CUBN: variants seen among roughly 807,000 people sequenced by gnomAD.
The protein encoded by CUBN is 460 kDa receptor.
Under a neutral mutation model 405.3 loss-of-function variants are expected in CUBN, and 282 were observed. The ratio of observed to expected loss-of-function variants is 0.70; its 90% confidence interval spans 0.63 to 0.77. The LOEUF (loss-of-function observed/expected upper bound fraction) is 0.77. Ranked by LOEUF, CUBN falls within the 30% of genes least tolerant of loss-of-function variation. The pLI is 0.00. For synonymous variants in CUBN, 1,684 were observed against 1,617.0 expected, an observed-to-expected ratio of 1.04 and a Z score of -0.99; for missense variants, 4,514 against 4,475.2, an observed-to-expected ratio of 1.01 and a Z score of -0.25.
At chr10:17,010,461 CA>C (rs943175343) in intron 28 of CUBN, among the ~76,000 whole-genome samples, 4 of 151,042 alleles carry the variant, frequency 2.6e-5, no homozygotes, top group Admixed American at 6.6e-5. Flanking sequence ...GGCAACATAG[CA>C]AGACCTCAAC....
In CUBN at chr10:16,851,340, TAC is replaced by T. The variant is rs1213112664; in HGVS notation, c.9556_9557del (p.Val3186MetfsTer26). The T allele has an allele frequency of 5.6e-6, 9 of 1,614,028 alleles. No homozygotes were observed. The African/African-American group carries it at 1.1e-4, about 19-fold the overall frequency. On this transcript the variant is annotated frameshift_variant, in exon 60 of 67. Coordinates refer to ENST00000377833, the MANE Select transcript of CUBN (RefSeq NM_001081.4). LOFTEE classifies it high-confidence loss of function. ...TGTTTACAGGTGCAATTATGATCCA[TAC>T]ACAGTTTAAATTCTTGTCATACATT... The part of the protein sequence containing the change: ...NGMYDKNLNC[V>X]WIIIAPVNKV...
intron 54 of CUBN, among the ~76,000 whole-genome samples, chr10:16,891,206 G>A (rs1463516084): frequency 1.3e-5 from 2 of 152,108 alleles, no homozygotes; most frequent in Non-Finnish European, 2.9e-5. Flanking sequence ...CAGTTGCTAG[G>A]AAATAAACGG....
rs377156071 is a variant in CUBN at position 16,825,628 on chromosome 10, AGTGTGTGTGTGTGTGT to A, written c.10765-562_10765-547del. The stretch of plus-strand genomic sequence containing the variant: ...TTATTTTCATATACTTCTGTGGAAC[AGTGTGTGTGTGTGTGT>A]GTGTGTGTGTGTGTGTGTGTGTGTG... On this transcript the variant is annotated intron_variant, in intron 66 of 66. Coordinates refer to ENST00000377833, the MANE Select transcript of CUBN (RefSeq NM_001081.4). 3.7e-4 allele frequency among the ~76,000 whole-genome samples: 51 copies of A among 136,008 alleles called. No individual in the cohort carries two copies. The East Asian group carries it at 4.8e-3, about 13-fold the overall frequency. The allele number at this position is 136,008 out of a possible 152,430, so 89.2% of individuals were successfully genotyped here.
intron 31 of CUBN, among the ~76,000 whole-genome samples, chr10:16,971,702 G>A (rs1317493068): frequency 1.3e-5 from 2 of 151,938 alleles, no homozygotes; most frequent in Admixed American, 6.6e-5. Flanking sequence ...GGCGCTTCTT[G>A]GTGTCTCTGT....
chr10:16,867,699 G>A (rs980174579), intron 59 of CUBN, among the ~76,000 whole-genome samples: 2 of 152,192 alleles, frequency 1.3e-5, no homozygotes, highest in Non-Finnish European at 1.5e-5. Flanking sequence ...CCTAACTGTG[G>A]CCAGAGGAAA....
intron 29 of CUBN, among the ~76,000 whole-genome samples, chr10:16,988,833 T>C (rs1167122986): frequency 1.3e-5 from 2 of 152,178 alleles, no homozygotes; most frequent in African/African-American, 4.8e-5. Context: ...CCCTTCCATG[T>C]GGTCATGGAA....
Position 17,019,940 on chromosome 10 carries a change from T to C in CUBN, c.4061A>G (p.Asp1354Gly), listed in dbSNP as rs1426226029. 1 of 1,614,066 alleles carries C rather than the reference T, an allele frequency of 6.2e-7. No homozygotes were observed. The highest frequency in any genetic ancestry group is 1.7e-5 in the Admixed American group (1 of 60,012). The change falls in exon 28 of 67, where the codon GAC (aspartate) becomes GGC (glycine). Residue 1354 changes from aspartate (D) to glycine (G), a missense_variant. By Grantham distance (94) the Asp-to-Gly change is moderately conservative (BLOSUM62 -1). Around this residue, in one of 5 missense-constraint regions of CUBN, gnomAD observed 242 missense variants for 309.0 expected, o/e 0.78. Coordinates refer to ENST00000377833, the MANE Select transcript of CUBN (RefSeq NM_001081.4). ...PRQMGRYCGV[D>G]LPPPGSTTSS... ...TGTAGTACTCCCTGGAGGGGGCAGG[T>C]CTACTCCACAGTAGCGTCCCATCTG...
intron 29 of CUBN, among the ~76,000 whole-genome samples, chr10:16,986,109 G>A (rs1455492666): frequency 6.6e-6 from 1 of 152,200 alleles, no homozygotes; most frequent in Non-Finnish European, 1.5e-5. Flanking sequence ...TTCAAACTTC[G>A]ATTTGTAAAA....
intron 49 of CUBN, 70 bp downstream of exon 49, chr10:16,907,438 T>C: frequency 5.4e-6 from 8 of 1,480,600 alleles, no homozygotes; most frequent in East Asian, 4.5e-5. Context: ...TCTGCTGCCA[T>C]TGGCAGTAGA....
At chr10:17,119,470 G>A (rs1398301364) in intron 6 of CUBN, among the ~76,000 whole-genome samples, 2 of 152,080 alleles carry the variant, frequency 1.3e-5, no homozygotes, top group African/African-American at 4.8e-5. Flanking sequence ...GACCAGCCTG[G>A]CCAACATGGT....
chr10:17,108,199 AT>A (rs1375410113), intron 10 of CUBN, among the ~76,000 whole-genome samples: 3 of 152,216 alleles, frequency 2.0e-5, no homozygotes, highest in Non-Finnish European at 2.9e-5. Context: ...GGTAGGTGCT[AT>A]TATTATCCTC....
At chr10:17,070,059 C>T (rs1835703892) in intron 19 of CUBN, among the ~76,000 whole-genome samples, 1 of 152,026 alleles carries the variant, frequency 6.6e-6, no homozygotes, top group Non-Finnish European at 1.5e-5. Flanking sequence ...TTTGTGTATG[C>T]TATAAGGAAG....
intron 59 of CUBN, among the ~76,000 whole-genome samples, chr10:16,852,706 C>T (rs764623313): frequency 5.9e-5 from 9 of 152,032 alleles, no homozygotes; most frequent in Non-Finnish European, 1.3e-4. Flanking sequence ...TATACAAAAT[C>T]AAGTACTTTG....
At position 16,960,767 on chromosome 10, in the gene CUBN, C is replaced by CA. The variant is rs1843196857; in HGVS notation, c.4696-6220dup. ...ACAATTGTGGGTAAGAGGTTAGTCA[C>CA]AGGGGGACGGAGGTCAGCTCGGCTG... On this transcript the variant is annotated intron_variant, in intron 31 of 66. Coordinates refer to ENST00000377833, the MANE Select transcript of CUBN (RefSeq NM_001081.4). Among the ~76,000 whole-genome samples the CA allele has an allele frequency of 2.0e-5, 3 of 152,250 alleles. No homozygotes were observed. The South Asian group carries it at 6.2e-4, about 32-fold the overall frequency.
At chr10:17,128,680 G>C (rs1837255458) in intron 2 of CUBN, among the ~76,000 whole-genome samples, 1 of 152,054 alleles carries the variant, frequency 6.6e-6, no homozygotes. Context: ...TTAACCCCAG[G>C]CCATCGTCCT....
chr10:17,029,637 T>C (rs1187931814), intron 27 of CUBN, among the ~76,000 whole-genome samples: 1 of 152,238 alleles, frequency 6.6e-6, no homozygotes, highest in Non-Finnish European at 1.5e-5. Flanking sequence ...AGCTTATCTC[T>C]AAGCTCTAAG....
chr10:16,900,947 T>C (rs1841344251), intron 52 of CUBN, 97 bp from the exon 53 acceptor site: 5 of 913,326 alleles, frequency 5.5e-6, no homozygotes, highest in Non-Finnish European at 8.6e-6. Flanking sequence ...TTTATTTTTA[T>C]AATTTGTATT....
rs1564440586 is a variant in CUBN at position 16,947,302 on chromosome 10, G to A, written c.5275C>T (p.Pro1759Ser). 2.5e-6 allele frequency: 4 copies of A among 1,614,028 alleles called. No individual in the cohort carries two copies. The highest frequency in any genetic ancestry group is 3.4e-6 in the Non-Finnish European group (4 of 1,179,914). ...FNSPGYPDIY[P>S]PNVECVWNIV... ...TTCCAGACACATTCCACATTAGGGG[G>A]ATAAATGTCTGGGTAGCCAGGGCTG... Residue 1759 changes from proline (P) to serine (S), a missense_variant, in exon 36 of 67, where the codon CCC becomes TCC. Physicochemically the swap from Pro to Ser is moderately conservative, Grantham distance 74. Transcript: ENST00000377833.
At chr10:17,066,504 A>C (rs973509172) in intron 21 of CUBN, among the ~76,000 whole-genome samples, 3 of 152,144 alleles carry the variant, frequency 2.0e-5, no homozygotes, top group Non-Finnish European at 2.9e-5. Context: ...AAAAGAAAGA[A>C]AATTTGGTGT....
Sources: gnomAD v4.1 joint callset for allele counts (sites outside exome capture counted in the v4.1 genomes callset) on GRCh38, gnomAD v4.1.1 for gene constraint, gnomAD v4.1.1 regional missense constraint, MANE v1.5 for transcripts, NCBI Gene and HGNC (gene_info 2026-07-23, HGNC 2026-07-21) for gene names.